TMEM245: variants seen among roughly 807,000 people sequenced by gnomAD.
TMEM245 encodes the protein transmembrane protein 245.
Under a neutral mutation model 101.2 loss-of-function variants are expected in TMEM245, and 69 were observed. The observed-to-expected ratio is 0.68, with a 90% confidence interval of 0.56 to 0.83. The LOEUF is 0.83. Among genes scored for constraint, TMEM245 ranks in the 40% least tolerant of loss-of-function variants. TMEM245 has a pLI of 0.00. For missense variants in TMEM245, 1,075 were observed against 1,092.8 expected (o/e 0.98, Z 0.23); for synonymous variants, 537 against 449.8 (o/e 1.19, Z -2.45).
At chr9:109,100,018 T>C (rs147854364) in intron 3 of TMEM245, among the ~76,000 whole-genome samples, 18 of 152,298 alleles carry the variant, frequency 1.2e-4, no homozygotes, top group East Asian at 3.9e-4. Context: ...TGTGAGCCAA[T>C]AAATTTCTGT....
At chr9:109,102,958 T>C (rs1342615072) in intron 3 of TMEM245, among the ~76,000 whole-genome samples, 2 of 152,240 alleles carry the variant, frequency 1.3e-5, no homozygotes, top group African/African-American at 4.8e-5. Context: ...GGACCACTAC[T>C]ATATCCTGAC....
At position 109,036,250 on chromosome 9, in the gene TMEM245, C is replaced by A. The variant is rs890828453; in HGVS notation, c.2355G>T (p.Leu785Phe). The part of the protein sequence containing the change: ...KAILLLIFHL[L>F]PTYFVDTAIY... Reference sequence around the variant, plus strand: ...TTGCAGTATCTACAAAGTATGTTGGCAAGAGATGAAAAATCAACAGTAAAA... The same window carrying A: ...TTGCAGTATCTACAAAGTATGTTGGAAAGAGATGAAAAATCAACAGTAAAA... Residue 785 changes from leucine (L) to phenylalanine (F), a missense_variant, in exon 16 of 18, where the codon TTG becomes TTT. By Grantham distance (22) the Leu-to-Phe change is conservative (BLOSUM62 0). This residue lies in a region of TMEM245 where 267 missense variants were observed against 351.3 expected (regional missense o/e 0.76). Coordinates refer to ENST00000374586, the MANE Select transcript of TMEM245 (RefSeq NM_032012.4). The A allele has an allele frequency of 1.9e-6, 3 of 1,613,228 alleles. No individual in the cohort carries two copies. Among genetic ancestry groups the A allele is most frequent in the Admixed American group, 1.7e-5 (1 of 59,742 alleles).
At chr9:109,093,624 T>C in intron 3 of TMEM245, 33 bp from the exon 4 acceptor site, 5 of 1,553,368 alleles carry the variant, frequency 3.2e-6, no homozygotes, top group South Asian at 1.1e-5. Context: ...CAAAACTCTT[T>C]AAAGTAGGAA....
intron 5 of TMEM245, 68 bp from the exon 6 acceptor site, chr9:109,087,410 C>A: frequency 7.1e-7 from 1 of 1,409,840 alleles, no homozygotes; most frequent in South Asian, 1.5e-5. Flanking sequence ...TGAAAAGGTA[C>A]CTTAATTTCA....
At chr9:109,048,695 T>C (rs1322894069) in intron 14 of TMEM245, among the ~76,000 whole-genome samples, 2 of 152,170 alleles carry the variant, frequency 1.3e-5, no homozygotes, top group East Asian at 3.8e-4. Context: ...GAGACAGGCC[T>C]GCTCTGCAAA....
At chr9:109,041,575 C>T (rs1828309762) in intron 14 of TMEM245, among the ~76,000 whole-genome samples, 1 of 150,212 alleles carries the variant, frequency 6.7e-6, no homozygotes, top group Non-Finnish European at 1.5e-5. Flanking sequence ...GTGATCCTCC[C>T]ACCTCAGCCT....
At position 109,018,193 on chromosome 9, in the gene TMEM245, T is replaced by C. The variant is rs1433939375; in HGVS notation, c.*2267A>G. ...TATATGTATAGTAACTCATTGTATATATTTGTCTCTTATGAATATGTGCTA... is the reference window on the plus strand; with the variant it reads ...TATATGTATAGTAACTCATTGTATACATTTGTCTCTTATGAATATGTGCTA... On this transcript the variant is annotated 3_prime_UTR_variant, in exon 18 of 18. Coordinates refer to ENST00000374586, the MANE Select transcript of TMEM245 (RefSeq NM_032012.4). 2.0e-5 allele frequency: 3 copies of C among 152,266 alleles called. No homozygotes were observed. The highest frequency in any genetic ancestry group is 4.8e-5 in the African/African-American group (2 of 41,478). 9.4% of individuals were successfully genotyped at this position (152,266 alleles called of 1,614,324 possible). A position where few individuals can be genotyped will look rare whatever the true frequency, so the allele number is the denominator to read the frequency against.
At chr9:109,114,982 A>G (rs990129511) in intron 1 of TMEM245, among the ~76,000 whole-genome samples, 3 of 152,222 alleles carry the variant, frequency 2.0e-5, no homozygotes, top group African/African-American at 7.2e-5. Flanking sequence ...ACGGAGTTTT[A>G]GGAGACTGAA....
At chr9:109,038,271 A>C (rs865996900) in intron 14 of TMEM245, 154 bp from the exon 15 acceptor site, 5 of 499,232 alleles carry the variant, frequency 1.0e-5, no homozygotes, top group Middle Eastern at 3.0e-4. Flanking sequence ...AAAGAAACAT[A>C]AACACCTTAC....
chr9:109,056,440 C>CAAAAAAAAAAAA, intron 12 of TMEM245, among the ~76,000 whole-genome samples: 1 of 36,768 alleles, frequency 2.7e-5, no homozygotes, highest in Non-Finnish European at 5.3e-5. Flanking sequence ...ACTAAAAATG[C>CAAAAAAAAAAAA]AAAAAAAAAA....
chr9:109,066,442 A>G (rs1292408742), intron 9 of TMEM245, among the ~76,000 whole-genome samples: 1 of 127,064 alleles, frequency 7.9e-6, no homozygotes, highest in Non-Finnish European at 1.6e-5. Context: ...GCAAAAGAGC[A>G]AGACTGTCTC....
chr9:109,054,383 A>G (rs1043360570), intron 12 of TMEM245, among the ~76,000 whole-genome samples: 4 of 152,256 alleles, frequency 2.6e-5, no homozygotes, highest in Non-Finnish European at 5.9e-5. Flanking sequence ...AGGTAGTGAT[A>G]TATGAGATTC....
intron 10 of TMEM245, among the ~76,000 whole-genome samples, chr9:109,062,544 C>G (rs1296162740): frequency 6.6e-6 from 1 of 152,206 alleles, no homozygotes; most frequent in Admixed American, 6.5e-5. Context: ...TTTCCTTACT[C>G]TTTGCCTATT....
chr9:109,050,796 A>T, intron 12 of TMEM245, 104 bp from the exon 13 acceptor site: 1 of 1,294,654 alleles, frequency 7.7e-7, no homozygotes, highest in Non-Finnish European at 1.1e-6. Flanking sequence ...CATGAACTGA[A>T]AAGCTAAGAA....
chr9:109,103,867 C>T (rs1047635536), intron 3 of TMEM245, among the ~76,000 whole-genome samples: 2 of 152,100 alleles, frequency 1.3e-5, no homozygotes, highest in Middle Eastern at 6.8e-3. Flanking sequence ...AGGCGGACCA[C>T]CAGAGATCAG....
Position 109,064,459 on chromosome 9 carries a change from G to GA in TMEM245, c.1623+17dup. ...GACCCTGAAAAGAGAAAGCCACAAA[G>GA]AAAGTTTCTTCCCTTACCTTGTGAG... On this transcript the variant is annotated intron_variant, in intron 10 of 17. Transcript: ENST00000374586. The GA allele has an allele frequency of 6.3e-7, 1 of 1,598,198 alleles. No individual in the cohort carries two copies. The highest frequency in any genetic ancestry group is 8.5e-7 in the Non-Finnish European group (1 of 1,173,360).
intron 4 of TMEM245, among the ~76,000 whole-genome samples, chr9:109,091,501 G>A (rs1207855903): frequency 6.6e-6 from 1 of 152,116 alleles, no homozygotes; most frequent in Non-Finnish European, 1.5e-5. Context: ...ACATATACTA[G>A]AATTTCTATA....
intron 12 of TMEM245, among the ~76,000 whole-genome samples, chr9:109,052,132 CTTA>C (rs1271015103): frequency 2.7e-5 from 4 of 147,956 alleles, no homozygotes; most frequent in Non-Finnish European, 6.0e-5. Flanking sequence ...CTCAAATCCC[CTTA>C]TTATATTATC....
At chr9:109,117,244 G>A (rs1830747730) in intron 1 of TMEM245, among the ~76,000 whole-genome samples, 1 of 151,392 alleles carries the variant, frequency 6.6e-6, no homozygotes, top group Non-Finnish European at 1.5e-5. Flanking sequence ...CAAATAGTTG[G>A]GATTACAGGT....
Sources: gnomAD v4.1 joint callset for allele counts (sites outside exome capture counted in the v4.1 genomes callset) on GRCh38, gnomAD v4.1.1 for gene constraint, gnomAD v4.1.1 regional missense constraint, MANE v1.5 for transcripts, NCBI Gene and HGNC (gene_info 2026-07-23, HGNC 2026-07-21) for gene names.